DACH1: variants seen among roughly 807,000 people sequenced by gnomAD.
DACH1 encodes the protein dachshund family transcription factor 1.
Under a neutral mutation model 54.2 loss-of-function variants are expected in DACH1, and 12 were observed. That is an observed-to-expected ratio of 0.22 (90% CI 0.14 to 0.36). The LOEUF is 0.36. DACH1 is among the 10% of genes least tolerant of loss of function. The pLI is 1.00. For synonymous variants in DACH1, 386 were observed against 366.2 expected, an observed-to-expected ratio of 1.05 and a Z score of -0.62; for missense variants, 805 against 929.8, an observed-to-expected ratio of 0.87 and a Z score of 1.75.
chr13:71,807,328 A>G (rs1235554693), intron 1 of DACH1, among the ~76,000 whole-genome samples: 1 of 151,854 alleles, frequency 6.6e-6, no homozygotes, highest in Non-Finnish European at 1.5e-5. Context: ...TGAGATTAAA[A>G]TAAATAGTGG....
intron 7 of DACH1, among the ~76,000 whole-genome samples, chr13:71,480,054 G>A (rs980813338): frequency 5.3e-5 from 8 of 152,082 alleles, no homozygotes; most frequent in African/African-American, 1.9e-4. Context: ...ACTGATTTAT[G>A]TTATGTCTTC....
intron 6 of DACH1, among the ~76,000 whole-genome samples, chr13:71,503,431 GTTAC>G (rs1256136545): frequency 1.3e-5 from 2 of 152,242 alleles, no homozygotes; most frequent in African/African-American, 2.4e-5. Context: ...TTTAGTTGTA[GTTAC>G]TTACTTTAAG....
At chr13:71,766,922 T>C (rs748099161) in intron 1 of DACH1, among the ~76,000 whole-genome samples, 1 of 151,696 alleles carries the variant, frequency 6.6e-6, no homozygotes, top group Non-Finnish European at 1.5e-5. Flanking sequence ...ATCTTGCAGA[T>C]ATATGTGAAA....
intron 1 of DACH1, among the ~76,000 whole-genome samples, 193 bp downstream of exon 1, chr13:71,865,729 A>G (rs985474902): frequency 1.2e-4 from 18 of 152,070 alleles, no homozygotes; most frequent in Admixed American, 5.2e-4. Context: ...AGGTCTGGGC[A>G]GGGTGAGGTG....
chr13:71,699,323 T>C (rs1447505060), intron 1 of DACH1, among the ~76,000 whole-genome samples: 5 of 152,246 alleles, frequency 3.3e-5, no homozygotes, highest in Admixed American at 1.3e-4. Flanking sequence ...CTCTCCTCTT[T>C]ACTTACACTT....
intron 1 of DACH1, among the ~76,000 whole-genome samples, chr13:71,817,858 A>G (rs868062922): frequency 4.9e-5 from 6 of 121,456 alleles, no homozygotes; most frequent in Admixed American, 4.6e-4. Context: ...TCTGTCACCC[A>G]GGCTGGAGTG....
At chr13:71,673,668 G>A (rs1441176153) in intron 2 of DACH1, among the ~76,000 whole-genome samples, 1 of 152,054 alleles carries the variant, frequency 6.6e-6, no homozygotes, top group Non-Finnish European at 1.5e-5. Flanking sequence ...TAGATGACAG[G>A]TTAATGGGTG....
chr13:71,668,964 C>T (rs1295049008), intron 2 of DACH1, among the ~76,000 whole-genome samples: 2 of 152,018 alleles, frequency 1.3e-5, no homozygotes, highest in East Asian at 1.9e-4. Flanking sequence ...ATGATTATAA[C>T]CTGATGCCAT....
At chr13:71,840,337 C>T (rs930678529) in intron 1 of DACH1, among the ~76,000 whole-genome samples, 1 of 152,130 alleles carries the variant, frequency 6.6e-6, no homozygotes, top group African/African-American at 2.4e-5. Flanking sequence ...CAAATTCAAT[C>T]ATATCATTCC....
chr13:71,860,851 A>G (rs1874303536), intron 1 of DACH1, among the ~76,000 whole-genome samples: 1 of 152,022 alleles, frequency 6.6e-6, no homozygotes, highest in Non-Finnish European at 1.5e-5. Context: ...TAAAATAACA[A>G]CTACTTGGTT....
intron 10 of DACH1, among the ~76,000 whole-genome samples, chr13:71,467,326 ACAT>A (rs1350259984): frequency 7.9e-6 from 1 of 126,230 alleles, no homozygotes; most frequent in African/African-American, 3.0e-5. Flanking sequence ...AGGAAGGGGA[ACAT>A]CACACTCTGG....
intron 1 of DACH1, among the ~76,000 whole-genome samples, chr13:71,692,947 C>T (rs906905322): frequency 1.3e-5 from 2 of 152,118 alleles, no homozygotes; most frequent in Non-Finnish European, 2.9e-5. Context: ...ATGAATCCAT[C>T]TCCCCTTCAA....
chr13:71,537,170 G>A (rs1451544974), intron 6 of DACH1, among the ~76,000 whole-genome samples: 1 of 151,944 alleles, frequency 6.6e-6, no homozygotes, highest in Non-Finnish European at 1.5e-5. Context: ...GTTTCATCCT[G>A]CTTGAGGGCT....
At position 71,644,789 on chromosome 13, in the gene DACH1, G is replaced by A. The variant is rs1878153134; in HGVS notation, c.965-14072C>T. Among the ~76,000 whole-genome samples, 3 of 152,238 alleles carry A rather than the reference G, an allele frequency of 2.0e-5. No homozygotes were observed. The South Asian group carries it at 6.2e-4, about 32-fold the overall frequency. On this transcript the variant is annotated intron_variant, in intron 2 of 10. Transcript: ENST00000613252. ...CTGAACATGATGGCTGCTTACACCA[G>A]CAGCACCAGGTGAAAGCAAGACCAG...
chr13:71,499,823 A>G (rs1432142374), intron 6 of DACH1, among the ~76,000 whole-genome samples: 2 of 152,156 alleles, frequency 1.3e-5, no homozygotes, highest in Admixed American at 1.3e-4. Flanking sequence ...ATTCTTCCTC[A>G]TGTCATACCG....
chr13:71,561,846 G>A (rs919027890), intron 4 of DACH1, among the ~76,000 whole-genome samples: 1 of 151,858 alleles, frequency 6.6e-6, no homozygotes, highest in Admixed American at 6.6e-5. Context: ...CAGATATGCT[G>A]AGACTTCATT....
intron 1 of DACH1, among the ~76,000 whole-genome samples, chr13:71,791,401 T>C (rs1006693623): frequency 6.6e-6 from 1 of 152,124 alleles, no homozygotes; most frequent in Non-Finnish European, 1.5e-5. Context: ...TGAGATGAAG[T>C]CTCACTCTGT....
intron 6 of DACH1, among the ~76,000 whole-genome samples, chr13:71,529,154 A>G (rs1882220830): frequency 6.7e-6 from 1 of 149,956 alleles, no homozygotes; most frequent in Admixed American, 6.6e-5. Context: ...GTGATTTCAC[A>G]TAGTACATCA....
intron 1 of DACH1, among the ~76,000 whole-genome samples, chr13:71,691,027 A>T (rs185997478): frequency 6.6e-6 from 1 of 152,232 alleles, no homozygotes; most frequent in African/African-American, 2.4e-5. Flanking sequence ...TTCAAATGAC[A>T]AGATATTCAC....
Sources: allele counts gnomAD v4.1 joint callset (sites outside exome capture counted in the v4.1 genomes callset), GRCh38; gene constraint gnomAD v4.1.1; transcripts MANE v1.5; gene names NCBI Gene and HGNC (gene_info 2026-07-23, HGNC 2026-07-21).